NAB1: variants seen among roughly 807,000 people sequenced by gnomAD.
The protein encoded by NAB1 is NGFI-A binding protein 1, also known as NGFI-A-binding protein 1.
A neutral mutation model predicts 49.9 loss-of-function variants in NAB1; 25 were observed. The observed-to-expected ratio is 0.50, with a 90% CI of 0.37 to 0.70. The LOEUF is 0.70. NAB1 is among the 30% of genes least tolerant of loss of function. NAB1 has a pLI of 0.00. For missense variants in NAB1, 489 were observed against 575.9 expected (o/e 0.85, Z 1.54); for synonymous variants, 198 against 215.6 (o/e 0.92, Z 0.71).
rs573286170 is a variant in NAB1 at position 190,682,713 on chromosome 2, A to G, written c.1006-1025A>G. ...AAATCACAAAATAAAAGTATGTACA[A>G]CTATAGCATATAAAACAGGCATATA... On this transcript the variant is annotated intron_variant, in intron 6 of 9. Transcript: ENST00000337386. The surrounding 1 kb of genome is among the most constrained non-coding windows in gnomAD (Gnocchi z 4.1). Among the ~76,000 whole-genome samples the G allele has an allele frequency of 6.6e-6, 1 of 152,352 alleles. No individual in the cohort carries two copies. Among genetic ancestry groups the G allele is most frequent in the Admixed American group, 6.5e-5 (1 of 15,308 alleles).
intron 6 of NAB1, 43 bp downstream of exon 6, chr2:190,673,195 T>A: frequency 6.3e-7 from 1 of 1,597,906 alleles, no homozygotes; most frequent in South Asian, 1.1e-5. Flanking sequence ...TAATGTTTGC[T>A]TTTGTTTTAA....
chr2:190,657,393 G>A lies in NAB1; in HGVS notation c.-20+1240G>A, dbSNP rs150477356. On this transcript the variant is annotated intron_variant, in intron 3 of 9. Transcript: ENST00000337386. This position sits in a 1 kb window ranked among gnomAD's most constrained non-coding sequence, Gnocchi z 4.4. ...CATCACAGTACCTGTAGGAGTTTGTGGTGCCCGGAGGATTTATTAAGTAGG... is the reference window on the plus strand; with the variant it reads ...CATCACAGTACCTGTAGGAGTTTGTAGTGCCCGGAGGATTTATTAAGTAGG... Among the ~76,000 whole-genome samples, 80 of 152,276 alleles carry A rather than the reference G, an allele frequency of 5.3e-4. 1 individual carries two copies. In the East Asian group the frequency reaches 0.011, roughly 20 times the overall value.
In NAB1 at chr2:190,690,709, C is replaced by G. The variant is rs770558778; in HGVS notation, c.*376C>G. 1.3e-5 allele frequency: 2 copies of G among 159,038 alleles called. No individual in the cohort carries two copies. Among genetic ancestry groups the G allele is most frequent in the Admixed American group, 1.3e-4 (2 of 15,768 alleles). 9.9% of individuals were successfully genotyped at this position (159,038 alleles called of 1,614,324 possible). A position where few individuals can be genotyped will look rare whatever the true frequency, so the allele number is the denominator to read the frequency against. ...CTGTTTGGTCTAATAGATGTGGATA[C>G]AGTTTATTTTACTTGAAATTTTGTT... is the stretch of plus-strand genomic sequence containing the variant. On this transcript the variant is annotated 3_prime_UTR_variant, in exon 10 of 10. Transcript: ENST00000337386.
chr2:190,673,285 T>A, intron 6 of NAB1, 133 bp downstream of exon 6: 1 of 787,478 alleles, frequency 1.3e-6, no homozygotes, highest in Non-Finnish European at 2.1e-6. Flanking sequence ...ATAAATCTTT[T>A]AAAAATATAG....
At position 190,649,115 on chromosome 2, in the gene NAB1, A is replaced by AGCCGCCGCCGCCGCC. The variant is rs545957901; in HGVS notation, c.-576_-562dup. 1 of 121,222 alleles carries AGCCGCCGCCGCCGCC rather than the reference A, an allele frequency of 8.2e-6. No homozygotes were observed. Among genetic ancestry groups the AGCCGCCGCCGCCGCC allele is most frequent in the African/African-American group, 3.1e-5 (1 of 32,090 alleles). 7.5% of individuals were successfully genotyped at this position (121,222 alleles called of 1,614,324 possible). A position where few individuals can be genotyped will look rare whatever the true frequency, so the allele number is the denominator to read the frequency against. On this transcript the variant is annotated 5_prime_UTR_variant, in exon 1 of 10. Transcript: ENST00000337386. The surrounding 1 kb of genome is among the most constrained non-coding windows in gnomAD (Gnocchi z 6.1). ...CCGCCCGCGCGCCGCAGCCTGGAGG[A>AGCCGCCGCCGCCGCC]GCCGCCGCCGCCGCCGCGGCCAAGC...
At chr2:190,687,344 G>A in intron 9 of NAB1, 27 bp downstream of exon 9, 1 of 1,130,774 alleles carries the variant, frequency 8.8e-7, no homozygotes. Context: ...TGATGAGAGG[G>A]TAACACTTGA....
chr2:190,673,078 T>C (rs1694897980), intron 5 of NAB1, 23 bp from the exon 6 acceptor site: 1 of 1,597,922 alleles, frequency 6.3e-7, no homozygotes, highest in Non-Finnish European at 8.5e-7. Flanking sequence ...TTTTTTTTTT[T>C]TTTTCTCTCC....
rs965120894 is a variant in NAB1 at position 190,667,739 on chromosome 2, A to G, written c.820-2587A>G. On this transcript the variant is annotated intron_variant, in intron 4 of 9. Coordinates refer to ENST00000337386, the MANE Select transcript of NAB1 (RefSeq NM_005966.4). This position sits in a 1 kb window ranked among gnomAD's most constrained non-coding sequence, Gnocchi z 4.4. Reference sequence around the variant, plus strand: ...TTGGGGAGGAGGATGTTAAATATCTATATCATACCATGTACCATAACACAT... The same window carrying G: ...TTGGGGAGGAGGATGTTAAATATCTGTATCATACCATGTACCATAACACAT... 1.3e-5 allele frequency among the ~76,000 whole-genome samples: 2 copies of G among 152,204 alleles called. No homozygotes were observed. Among genetic ancestry groups the G allele is most frequent in the Non-Finnish European group, 2.9e-5 (2 of 68,014 alleles).
rs1182467088 is a variant in NAB1 at position 190,659,230 on chromosome 2, A to G, written c.54A>G (p.Leu18=). 8 of 1,613,466 alleles carry G rather than the reference A, an allele frequency of 5.0e-6. No homozygotes were observed. The highest frequency in any genetic ancestry group is 4.0e-5 in the African/African-American group (3 of 74,744). ...TLGELQLYRI[L]QKANLLSYFD... ...GGGAGTTGCAGCTGTATAGAATATT[A>G]CAAAAAGCCAATCTACTTTCTTATT... Residue 18 remains leucine (L), a synonymous_variant, in exon 4 of 10, where the codon TTA becomes TTG. Coordinates refer to ENST00000337386, the MANE Select transcript of NAB1 (RefSeq NM_005966.4). This position sits in a 1 kb window ranked among gnomAD's most constrained non-coding sequence, Gnocchi z 6.2.
chr2:190,661,366 A>G (rs535991972), intron 4 of NAB1, among the ~76,000 whole-genome samples: 1 of 152,344 alleles, frequency 6.6e-6, no homozygotes, highest in South Asian at 2.1e-4. Flanking sequence ...CAGTAGAGGA[A>G]TCCACTAAAA....
rs926526418 is a variant in NAB1 at position 190,679,181 on chromosome 2, T to G, written c.1006-4557T>G. On this transcript the variant is annotated intron_variant, in intron 6 of 9. Transcript: ENST00000337386. This position sits in a 1 kb window ranked among gnomAD's most constrained non-coding sequence, Gnocchi z 5.3. ...AACAAGCTTACGAGACATAACGAAA[T>G]TGTGCACCACACATAATGTGAAAGA... 6.6e-6 allele frequency among the ~76,000 whole-genome samples: 1 copy of G among 152,186 alleles called. No individual in the cohort carries two copies. Among genetic ancestry groups the G allele is most frequent in the African/African-American group, 2.4e-5 (1 of 41,450 alleles).
chr2:190,655,931 T>C (rs1344737430), intron 2 of NAB1, 46 bp from the exon 3 acceptor site: 1 of 152,222 alleles, frequency 6.6e-6, no homozygotes, highest in Non-Finnish European at 1.5e-5. Flanking sequence ...AATTAATGCA[T>C]TGTTTAATTC....
At chr2:190,661,750 G>A (rs1486701057) in intron 4 of NAB1, among the ~76,000 whole-genome samples, 6 of 152,196 alleles carry the variant, frequency 3.9e-5, no homozygotes, top group Non-Finnish European at 8.8e-5. Flanking sequence ...GAAATGTGGG[G>A]GTGGGGGCTT....
intron 4 of NAB1, among the ~76,000 whole-genome samples, chr2:190,668,440 A>G (rs1028030216): frequency 2.6e-5 from 4 of 152,188 alleles, no homozygotes; most frequent in Admixed American, 1.3e-4. Context: ...AAGTGATATT[A>G]TAAAGGATTT....
chr2:190,665,322 C>CA (rs35430342), intron 4 of NAB1, among the ~76,000 whole-genome samples: 33,922 of 130,740 alleles, frequency 0.26, 4,058 homozygotes, highest in Middle Eastern at 0.27. Flanking sequence ...GACTCCATCT[C>CA]AAAAAAAAAA....
Position 190,659,523 on chromosome 2 carries a change from G to T in NAB1, c.347G>T (p.Arg116Met), listed in dbSNP as rs940591664. 2 of 1,614,236 alleles carry T rather than the reference G, an allele frequency of 1.2e-6. No individual in the cohort carries two copies. The highest frequency in any genetic ancestry group is 1.7e-6 in the Non-Finnish European group (2 of 1,180,042). Residue 116 changes from arginine to methionine, a missense_variant, in exon 4 of 10, where the codon AGG becomes ATG. Arg to Met is a moderately conservative substitution (Grantham distance 91, BLOSUM62 -1). This residue lies in a region of NAB1 where 204 missense variants were observed against 220.9 expected (regional missense o/e 0.92). Coordinates refer to ENST00000337386, the MANE Select transcript of NAB1 (RefSeq NM_005966.4). This position sits in a 1 kb window ranked among gnomAD's most constrained non-coding sequence, Gnocchi z 6.2. ...GGAATATCCTGCAGTAGTTATGAAAGGAGTAGCAATGCCCGGGAACCTCAT... is the reference window on the plus strand; with the variant it reads ...GGAATATCCTGCAGTAGTTATGAAATGAGTAGCAATGCCCGGGAACCTCAT... ...WLGISCSSYE[R>M]SSNAREPHLK...
intron 4 of NAB1, among the ~76,000 whole-genome samples, chr2:190,661,959 T>C (rs1049575802): frequency 6.6e-6 from 1 of 152,260 alleles, no homozygotes; most frequent in African/African-American, 2.4e-5. Context: ...CTATTAGGTA[T>C]ATCTTTTAGG....
rs534465983 is a variant in NAB1, at chr2:190,667,593, A to G, written c.820-2733A>G. Among the ~76,000 whole-genome samples the G allele has an allele frequency of 4.1e-4, 63 of 152,306 alleles. No homozygotes were observed. Among genetic ancestry groups the G allele is most frequent in the Admixed American group, 9.1e-4 (14 of 15,304 alleles). On this transcript the variant is annotated intron_variant, in intron 4 of 9. Coordinates refer to ENST00000337386, the MANE Select transcript of NAB1 (RefSeq NM_005966.4). The surrounding 1 kb of genome is among the most constrained non-coding windows in gnomAD (Gnocchi z 4.4). ...AGGCTGAAAATAAATTCTTCCTTCA[A>G]TTATGCTTTCATATTCAGCTATGGG...
chr2:190,655,187 G>T (rs1693856380), intron 2 of NAB1, among the ~76,000 whole-genome samples: 1 of 152,218 alleles, frequency 6.6e-6, no homozygotes, highest in South Asian at 2.1e-4. Context: ...ATACTGTTAA[G>T]TGAGTTTTAC....
Sources: allele counts gnomAD v4.1 joint callset (sites outside exome capture counted in the v4.1 genomes callset), GRCh38; gene constraint gnomAD v4.1.1; regional missense constraint gnomAD v4.1.1; non-coding constraint Gnocchi (gnomAD v3.1); transcripts MANE v1.5; gene names NCBI Gene and HGNC (gene_info 2026-07-23, HGNC 2026-07-21).